The following PHACTR1 variants were observed in gnomAD, a reference collection of about 807,000 sequenced individuals.
The protein encoded by PHACTR1 is phosphatase and actin regulator 1, also known as RPEL repeat containing 1.
In PHACTR1, 16 loss-of-function variants were observed where a neutral mutation model predicts 69.2. The observed-to-expected ratio is 0.23, with a 90% confidence interval of 0.16 to 0.35. PHACTR1 has a LOEUF of 0.35. Among genes scored for constraint, PHACTR1 ranks in the 10% least tolerant of loss-of-function variants. The pLI, the probability that PHACTR1 is intolerant of heterozygous loss-of-function variation, is 1.00. For synonymous variants in PHACTR1, 312 were observed against 284.5 expected (o/e 1.10, Z -0.97); for missense variants, 510 against 734.7 (o/e 0.69, Z 3.54).
intron 4 of PHACTR1, among the ~76,000 whole-genome samples, chr6:12,874,425 T>A (rs1782343692): frequency 6.6e-6 from 1 of 152,208 alleles, no homozygotes; most frequent in Non-Finnish European, 1.5e-5. Flanking sequence ...ACAGTTTAGT[T>A]TTTTAGAACA....
intron 5 of PHACTR1, among the ~76,000 whole-genome samples, chr6:13,136,678 C>T (rs865826357): frequency 1.6e-4 from 22 of 136,690 alleles, no homozygotes; most frequent in African/African-American, 4.4e-4. Context: ...AAAGATAATG[C>T]GACTCCTCCT....
chr6:12,933,766 A>T, intron 4 of PHACTR1: 1 of 1,612,748 alleles, frequency 6.2e-7, no homozygotes, highest in Non-Finnish European at 8.5e-7. Flanking sequence ...CATACACTAC[A>T]TCAGCCCACA....
chr6:13,272,982 G>A (rs1416847080), intron 11 of PHACTR1, 67 bp downstream of exon 11: 2 of 1,595,634 alleles, frequency 1.3e-6, no homozygotes, highest in East Asian at 2.2e-5. Context: ...TTAATGGTAG[G>A]CCACAAGGTT....
At chr6:12,876,605 T>C (rs1047472509) in intron 4 of PHACTR1, among the ~76,000 whole-genome samples, 3 of 152,222 alleles carry the variant, frequency 2.0e-5, no homozygotes, top group Non-Finnish European at 4.4e-5. Flanking sequence ...CTGTATTGTC[T>C]GACTTAAAAG....
intron 4 of PHACTR1, among the ~76,000 whole-genome samples, chr6:12,999,774 G>A (rs1022088250): frequency 5.3e-5 from 8 of 152,080 alleles, no homozygotes; most frequent in Admixed American, 3.3e-4. Flanking sequence ...CATTAACTTC[G>A]GGGTAGTAGT....
intron 4 of PHACTR1, among the ~76,000 whole-genome samples, chr6:12,872,966 C>G (rs1782193986): frequency 6.6e-6 from 1 of 151,598 alleles, no homozygotes; most frequent in Non-Finnish European, 1.5e-5. Flanking sequence ...TTCCTTCCTT[C>G]CTTGCTTCCT....
chr6:12,779,600 C>T (rs1399052194), intron 4 of PHACTR1, among the ~76,000 whole-genome samples: 1 of 152,216 alleles, frequency 6.6e-6, no homozygotes, highest in African/African-American at 2.4e-5. Flanking sequence ...TCCCTAATTT[C>T]ATGGCAATCT....
chr6:13,153,602 C>T (rs906006410), intron 5 of PHACTR1, among the ~76,000 whole-genome samples: 1 of 152,148 alleles, frequency 6.6e-6, no homozygotes, highest in Admixed American at 6.5e-5. Flanking sequence ...ATGTAGTTCT[C>T]TTTTGGTGTT....
chr6:13,179,639 A>T lies in PHACTR1; in HGVS notation c.497-2880A>T, dbSNP rs1307111495. On this transcript the variant is annotated intron_variant, in intron 6 of 14. Transcript: ENST00000332995. The surrounding 1 kb of genome is among the most constrained non-coding windows in gnomAD (Gnocchi z 4.2). ...ACTAGATATGTATACACATATATGG[A>T]TGGATGGGTGGTTGATAGGTAGGAA... Among the ~76,000 whole-genome samples, 2 of 152,010 alleles carry T rather than the reference A, an allele frequency of 1.3e-5. No homozygotes were observed. The highest frequency in any genetic ancestry group is 2.9e-5 in the Non-Finnish European group (2 of 68,006).
At chr6:13,216,002 T>A (rs1271440099) in intron 8 of PHACTR1, among the ~76,000 whole-genome samples, 1 of 152,166 alleles carries the variant, frequency 6.6e-6, no homozygotes, top group African/African-American at 2.4e-5. Context: ...ACTGATAAGT[T>A]TATACGAATA....
intron 4 of PHACTR1, among the ~76,000 whole-genome samples, chr6:12,811,094 G>A (rs117933428): frequency 1.3e-4 from 20 of 152,286 alleles, no homozygotes; most frequent in South Asian, 4.1e-4. Flanking sequence ...AGGTTATTTC[G>A]TGGGCTTTAA....
chr6:13,074,210 A>G (rs1241397479), intron 5 of PHACTR1, among the ~76,000 whole-genome samples: 1 of 152,204 alleles, frequency 6.6e-6, no homozygotes, highest in Admixed American at 6.5e-5. Context: ...GGCAAAGGAT[A>G]TGAACCAGCA....
chr6:12,952,900 A>G (rs751247685), intron 4 of PHACTR1, among the ~76,000 whole-genome samples: 12 of 152,228 alleles, frequency 7.9e-5, no homozygotes, highest in Non-Finnish European at 1.8e-4. Context: ...TAAAGCACCA[A>G]TAAACTGAAT....
intron 10 of PHACTR1, among the ~76,000 whole-genome samples, chr6:13,266,175 A>C (rs1330699340): frequency 2.0e-5 from 3 of 152,054 alleles, no homozygotes; most frequent in Non-Finnish European, 4.4e-5. Flanking sequence ...AAACCTAAGG[A>C]GATATCCTGT....
intron 4 of PHACTR1, among the ~76,000 whole-genome samples, chr6:12,987,516 G>T (rs1448657718): frequency 6.6e-6 from 1 of 152,164 alleles, no homozygotes; most frequent in African/African-American, 2.4e-5. Flanking sequence ...GAGAGCTGGG[G>T]ATGCACAGGT....
intron 4 of PHACTR1, among the ~76,000 whole-genome samples, chr6:12,803,146 G>A (rs753395712): frequency 7.2e-5 from 11 of 152,134 alleles, no homozygotes; most frequent in Non-Finnish European, 1.5e-4. Flanking sequence ...CAAGAACTGT[G>A]CACTGCTTCT....
intron 4 of PHACTR1, among the ~76,000 whole-genome samples, chr6:13,045,348 C>T (rs1804848358): frequency 6.6e-6 from 1 of 152,122 alleles, no homozygotes; most frequent in African/African-American, 2.4e-5. Flanking sequence ...AAAATGTTAG[C>T]TGTTATGGAT....
At chr6:13,026,457 C>A (rs186642817) in intron 4 of PHACTR1, among the ~76,000 whole-genome samples, 1 of 152,096 alleles carries the variant, frequency 6.6e-6, no homozygotes, top group East Asian at 1.9e-4. Flanking sequence ...GCTTTTTTTC[C>A]AGAGGGTCTT....
intron 4 of PHACTR1, among the ~76,000 whole-genome samples, chr6:12,807,979 G>T (rs1361294692): frequency 6.6e-6 from 1 of 152,148 alleles, no homozygotes; most frequent in African/African-American, 2.4e-5. Flanking sequence ...GTTATTTTAG[G>T]CAGATTTACA....
Sources: allele counts gnomAD v4.1 joint callset (sites outside exome capture counted in the v4.1 genomes callset), GRCh38; gene constraint gnomAD v4.1.1; non-coding constraint Gnocchi (gnomAD v3.1); transcripts MANE v1.5; gene names NCBI Gene and HGNC (gene_info 2026-07-23, HGNC 2026-07-21).